The following RHBDD1 variants were observed in gnomAD, a reference collection of about 807,000 sequenced individuals.
The protein encoded by RHBDD1 is rhomboid-related protein 4.
In RHBDD1, 38 loss-of-function variants were observed where a neutral mutation model predicts 36.3. The observed-to-expected ratio is 1.05, with a 90% CI of 0.81 to 1.37. The LOEUF (loss-of-function observed/expected upper bound fraction) is 1.37, where lower values mean the gene tolerates loss of function less well. Among genes scored for constraint, RHBDD1 ranks in the 40% most tolerant of loss-of-function variants. The pLI, the probability that RHBDD1 is intolerant of heterozygous loss-of-function variation, is 0.00. For missense variants in RHBDD1, 393 were observed against 377.6 expected, an observed-to-expected ratio of 1.04 and a Z score of -0.34; for synonymous variants, 151 against 136.5, an observed-to-expected ratio of 1.11 and a Z score of -0.74.
the RHBDD1 span, among the ~76,000 whole-genome samples, chr2:226,829,904 C>T: frequency 1.3e-5 from 2 of 151,718 alleles, no homozygotes; most frequent in South Asian, 2.1e-4. Flanking sequence ...TGACAGCAGA[C>T]GTTCTTTTCT....
intron 8 of RHBDD1, among the ~76,000 whole-genome samples, chr2:226,971,909 CTTTTT>C (rs11305868): frequency 1.4e-5 from 2 of 146,406 alleles, no homozygotes; most frequent in Non-Finnish European, 3.0e-5. Flanking sequence ...CAAAAGCCCA[CTTTTT>C]TTTTTTTTTA....
At chr2:226,939,905 G>A (rs1461497536) in intron 8 of RHBDD1, among the ~76,000 whole-genome samples, 1 of 152,110 alleles carries the variant, frequency 6.6e-6, no homozygotes, top group African/African-American at 2.4e-5. Flanking sequence ...TATGGTAGTG[G>A]CACAAGAATA....
chr2:226,827,152 A>G, the RHBDD1 span, among the ~76,000 whole-genome samples: 6 of 151,946 alleles, frequency 3.9e-5, no homozygotes. Context: ...TTTTGTAGAG[A>G]CAGGGTTTTG....
intron 8 of RHBDD1, among the ~76,000 whole-genome samples, chr2:226,924,031 A>G (rs1327897276): frequency 2.0e-5 from 3 of 152,070 alleles, no homozygotes; most frequent in African/African-American, 4.8e-5. Context: ...AAGCTGCAAG[A>G]CAAAGTTCCC....
At chr2:226,938,188 C>G (rs1234075185) in intron 8 of RHBDD1, among the ~76,000 whole-genome samples, 5 of 152,060 alleles carry the variant, frequency 3.3e-5, no homozygotes, top group Non-Finnish European at 7.4e-5. Flanking sequence ...ATCTAATGAT[C>G]AGTGATGTTG....
intron 5 of RHBDD1, among the ~76,000 whole-genome samples, chr2:226,893,332 A>G (rs1029388307): frequency 3.3e-5 from 5 of 152,246 alleles, no homozygotes; most frequent in African/African-American, 1.2e-4. Flanking sequence ...TGTGCAAATG[A>G]TCATTGATGT....
chr2:226,896,274 C>T (rs1304865239), intron 5 of RHBDD1, among the ~76,000 whole-genome samples: 1 of 152,202 alleles, frequency 6.6e-6, no homozygotes, highest in African/African-American at 2.4e-5. Context: ...CCTAGCCTTT[C>T]CTTTTCCCAA....
intron 8 of RHBDD1, among the ~76,000 whole-genome samples, chr2:226,968,611 A>T (rs955971774): frequency 3.3e-5 from 5 of 152,206 alleles, no homozygotes; most frequent in Non-Finnish European, 7.3e-5. Context: ...CACTTGACAC[A>T]CAAAAAAGAG....
At chr2:226,992,395 ATT>A (rs1958441257) in intron 8 of RHBDD1, among the ~76,000 whole-genome samples, 1 of 152,240 alleles carries the variant, frequency 6.6e-6, no homozygotes, top group Admixed American at 6.5e-5. Context: ...AAACAAAGCA[ATT>A]CGGCCATTCT....
At chr2:226,854,456 T>C (rs1208648962) in intron 3 of RHBDD1, among the ~76,000 whole-genome samples, 1 of 152,042 alleles carries the variant, frequency 6.6e-6, no homozygotes, top group Non-Finnish European at 1.5e-5. Flanking sequence ...TAGCTGGGTA[T>C]GCTGGCGCGC....
chr2:226,991,193 C>T (rs1452804590), intron 8 of RHBDD1, among the ~76,000 whole-genome samples: 1 of 152,106 alleles, frequency 6.6e-6, no homozygotes, highest in Non-Finnish European at 1.5e-5. Flanking sequence ...TTATATATCT[C>T]TTTTTTGAGA....
intron 5 of RHBDD1, chr2:226,895,732 T>G (rs1338366034): frequency 3.0e-6 from 3 of 985,208 alleles, no homozygotes; most frequent in African/African-American, 1.7e-5. Flanking sequence ...GATTATGACT[T>G]TCATCCAGAG....
the RHBDD1 span, among the ~76,000 whole-genome samples, chr2:226,817,470 C>G: frequency 1.3e-5 from 2 of 152,146 alleles, no homozygotes; most frequent in Non-Finnish European, 2.9e-5. Flanking sequence ...GAGGAAATAA[C>G]CCACTAAGGC....
chr2:226,922,202 CTT>C (rs1017204610), intron 8 of RHBDD1, among the ~76,000 whole-genome samples: 7 of 105,036 alleles, frequency 6.7e-5, no homozygotes, highest in African/African-American at 1.5e-4. Flanking sequence ...TATCTTTTTC[CTT>C]TTTTTTTTTT....
intron 7 of RHBDD1, among the ~76,000 whole-genome samples, chr2:226,911,661 A>G (rs1404590025): frequency 3.3e-5 from 5 of 151,530 alleles, no homozygotes; most frequent in Non-Finnish European, 7.4e-5. Context: ...CAGTGCAGCA[A>G]TGGGGGCTAA....
Position 226,865,002 on chromosome 2 carries a change from G to A in RHBDD1, c.309G>A (p.Trp103Ter). ...INLERRLGSR[W>*]FAYVITAFSV... Reference sequence around the variant, plus strand: ...TAGAAAGAAGACTGGGAAGTAGATGGTTTGCCTATGTTATCACCGCATTTT... The same window carrying A: ...TAGAAAGAAGACTGGGAAGTAGATGATTTGCCTATGTTATCACCGCATTTT... The change falls in exon 4 of 9, where the codon TGG (tryptophan) becomes TGA (stop). Residue 103 changes from tryptophan (W) to a stop codon, truncating the protein, a stop_gained. Coordinates refer to ENST00000392062, the MANE Select transcript of RHBDD1 (RefSeq NM_001167608.3). LOFTEE classifies it high-confidence loss of function. The A allele has an allele frequency of 1.2e-6, 2 of 1,614,214 alleles. No homozygotes were observed. The highest frequency in any genetic ancestry group is 1.7e-6 in the Non-Finnish European group (2 of 1,180,022).
the RHBDD1 span, among the ~76,000 whole-genome samples, chr2:226,810,152 C>T: frequency 6.6e-6 from 1 of 152,114 alleles, no homozygotes; most frequent in African/African-American, 2.4e-5. Context: ...AATAGCCTAC[C>T]ATTGACCAGA....
At chr2:226,963,265 A>C (rs1952360810) in intron 8 of RHBDD1, among the ~76,000 whole-genome samples, 1 of 152,192 alleles carries the variant, frequency 6.6e-6, no homozygotes, top group Non-Finnish European at 1.5e-5. Context: ...TTTTCTTGGA[A>C]TCATTTACCA....
In RHBDD1 at chr2:226,875,162, G is replaced by C. The variant is rs181140318; in HGVS notation, c.566+7844G>C. ...ACCTTTGTATCTTAACCATCTGCCT[G>C]ACACAAAGTAGGCAATTAGTAAATA... On this transcript the variant is annotated intron_variant, in intron 5 of 8. Coordinates refer to ENST00000392062, the MANE Select transcript of RHBDD1 (RefSeq NM_001167608.3). Among the ~76,000 whole-genome samples, 177 of 152,294 alleles carry C rather than the reference G, an allele frequency of 1.2e-3. 3 individuals carry two copies. In the Middle Eastern group the frequency reaches 0.027, roughly 23 times the overall value.
Sources: gnomAD v4.1 joint callset for allele counts (sites outside exome capture counted in the v4.1 genomes callset) on GRCh38, gnomAD v4.1.1 for gene constraint, MANE v1.5 for transcripts, NCBI Gene and HGNC (gene_info 2026-07-23, HGNC 2026-07-21) for gene names.